Variants in PLCB4 observed in about 807,000 individuals in gnomAD.
PLCB4 encodes the protein 1-phosphatidylinositol 4,5-bisphosphate phosphodiesterase beta-4.
A neutral mutation model predicts 178.8 loss-of-function variants in PLCB4; 77 were observed. The observed-to-expected ratio is 0.43, with a 90% CI of 0.36 to 0.52. The LOEUF (loss-of-function observed/expected upper bound fraction) is 0.52. Ranked by LOEUF, PLCB4 falls within the 20% of genes least tolerant of loss-of-function variation. The probability of loss-of-function intolerance (pLI) is 0.00; values close to 1 mark genes in which losing one functional copy is unlikely to be tolerated. For synonymous variants in PLCB4, 496 were observed against 490.8 expected (o/e 1.01, Z -0.14); for missense variants, 1,024 against 1,453.4 (o/e 0.70, Z 4.80).
chr20:9,261,438 A>G lies in PLCB4; in HGVS notation c.-16+43986A>G, dbSNP rs139481850. Among the ~76,000 whole-genome samples, 620 of 152,292 alleles carry G rather than the reference A, an allele frequency of 4.1e-3. 4 individuals are homozygous for G. Among genetic ancestry groups the G allele is most frequent in the African/African-American group, 0.015 (603 of 41,570 alleles). On this transcript the variant is annotated intron_variant, in intron 3 of 39. Coordinates refer to ENST00000378473, the MANE Select transcript of PLCB4 (RefSeq NM_001377142.1). Reference sequence around the variant, plus strand: ...ACATATACATATAACCATTTTTAAAACTTAGGAAATATGCTGTGCATATGA... The same window carrying G: ...ACATATACATATAACCATTTTTAAAGCTTAGGAAATATGCTGTGCATATGA...
At chr20:9,265,141 G>A (rs1359307826) in intron 3 of PLCB4, among the ~76,000 whole-genome samples, 1 of 152,110 alleles carries the variant, frequency 6.6e-6, no homozygotes, top group Non-Finnish European at 1.5e-5. Context: ...GTTCAGTGTT[G>A]TAGTATTAGG....
intron 2 of PLCB4, among the ~76,000 whole-genome samples, chr20:9,175,442 C>T (rs766461160): frequency 1.9e-4 from 29 of 152,076 alleles, no homozygotes; most frequent in Non-Finnish European, 3.5e-4. Flanking sequence ...ATAAATTGTC[C>T]AAGTAACCTT....
intron 1 of PLCB4, among the ~76,000 whole-genome samples, chr20:9,074,526 A>T (rs569407390): frequency 2.0e-5 from 3 of 152,254 alleles, no homozygotes; most frequent in Non-Finnish European, 4.4e-5. Context: ...TTATCCATAC[A>T]AAGCAGCCTG....
intron 2 of PLCB4, among the ~76,000 whole-genome samples, chr20:9,130,544 G>A (rs1212359922): frequency 1.3e-5 from 2 of 152,172 alleles, no homozygotes; most frequent in Non-Finnish European, 2.9e-5. Flanking sequence ...GTCACTGCAA[G>A]TGTTTCCTCT....
chr20:9,471,320 A>G (rs970610817), intron 36 of PLCB4, among the ~76,000 whole-genome samples: 1 of 152,186 alleles, frequency 6.6e-6, no homozygotes, highest in African/African-American at 2.4e-5. Flanking sequence ...TGAAATAGAA[A>G]ACAAAATGCA....
intron 2 of PLCB4, among the ~76,000 whole-genome samples, chr20:9,202,187 G>A (rs2093555405): frequency 1.3e-5 from 2 of 152,144 alleles, no homozygotes; most frequent in African/African-American, 2.4e-5. Context: ...AACATTGTAG[G>A]AAAAGAATAC....
At chr20:9,128,049 T>A (rs2092171419) in intron 2 of PLCB4, among the ~76,000 whole-genome samples, 1 of 152,140 alleles carries the variant, frequency 6.6e-6, no homozygotes, top group South Asian at 2.1e-4. Context: ...TGAAATGTAA[T>A]CCCCATTGTT....
At chr20:9,172,860 C>A (rs2093087551) in intron 2 of PLCB4, among the ~76,000 whole-genome samples, 1 of 152,158 alleles carries the variant, frequency 6.6e-6, no homozygotes, top group Non-Finnish European at 1.5e-5. Context: ...ATATGTCTGG[C>A]CATGTTTCAG....
At chr20:9,330,326 T>C (rs971816288) in intron 4 of PLCB4, among the ~76,000 whole-genome samples, 1 of 152,220 alleles carries the variant, frequency 6.6e-6, no homozygotes, top group African/African-American at 2.4e-5. Flanking sequence ...CAGACTCCTC[T>C]TTGTTTCTCT....
At chr20:9,388,923 A>C (rs1340100084) in intron 15 of PLCB4, among the ~76,000 whole-genome samples, 1 of 152,196 alleles carries the variant, frequency 6.6e-6, no homozygotes, top group African/African-American at 2.4e-5. Flanking sequence ...TGCCTCAATA[A>C]AATATTTCAA....
At chr20:9,168,644 C>T (rs2093012755) in intron 2 of PLCB4, among the ~76,000 whole-genome samples, 2 of 152,212 alleles carry the variant, frequency 1.3e-5, no homozygotes, top group Non-Finnish European at 2.9e-5. Context: ...CGAGGAGCTA[C>T]ACCACCAGAT....
At chr20:9,396,261 A>C (rs531928769) in intron 19 of PLCB4, among the ~76,000 whole-genome samples, 27 of 152,348 alleles carry the variant, frequency 1.8e-4, no homozygotes, top group Admixed American at 5.9e-4. Context: ...AGACAAAAAC[A>C]TGAACTTGAG....
At chr20:9,434,193 AT>A (rs377149157) in intron 28 of PLCB4, among the ~76,000 whole-genome samples, 12 of 152,320 alleles carry the variant, frequency 7.9e-5, no homozygotes, top group African/African-American at 2.4e-4. Context: ...GATATTTGAC[AT>A]TAAAAAATGG....
At chr20:9,445,423 C>T (rs2042358016) in intron 32 of PLCB4, among the ~76,000 whole-genome samples, 1 of 152,218 alleles carries the variant, frequency 6.6e-6, no homozygotes, top group South Asian at 2.1e-4. Flanking sequence ...GAGTGATGTA[C>T]CTTTTAATCA....
At position 9,466,077 on chromosome 20, in the gene PLCB4, G is replaced by A. The variant is rs193079741; in HGVS notation, c.3249-2494G>A. 9.2e-5 allele frequency among the ~76,000 whole-genome samples: 14 copies of A among 152,168 alleles called. No homozygotes were observed. The East Asian group carries it at 2.3e-3, about 25-fold the overall frequency. ...AACCAAACCAGCATGGTACTAGTAC[G>A]AAAACAGAGATATAGACCAATGGAA... On this transcript the variant is annotated intron_variant, in intron 35 of 39. Transcript: ENST00000378473.
intron 2 of PLCB4, among the ~76,000 whole-genome samples, chr20:9,187,482 A>G (rs6039407): frequency 6.6e-6 from 1 of 152,292 alleles, no homozygotes; most frequent in South Asian, 2.1e-4. Flanking sequence ...GGACATAACT[A>G]TGTAAACTTC....
intron 2 of PLCB4, among the ~76,000 whole-genome samples, chr20:9,113,080 A>G (rs367885000): frequency 6.6e-6 from 1 of 152,184 alleles, no homozygotes; most frequent in African/African-American, 2.4e-5. Flanking sequence ...GAGCCTTGAC[A>G]TCAATTTATG....
chr20:9,320,667 C>G (rs904423627), intron 4 of PLCB4, among the ~76,000 whole-genome samples: 1 of 152,118 alleles, frequency 6.6e-6, no homozygotes, highest in Non-Finnish European at 1.5e-5. Flanking sequence ...TTTTAGCTTC[C>G]TTTTGCAGTT....
intron 1 of PLCB4, among the ~76,000 whole-genome samples, chr20:9,079,945 GGACA>G: frequency 6.6e-6 from 1 of 152,258 alleles, no homozygotes; most frequent in Admixed American, 6.5e-5. Context: ...CTTATAGATA[GGACA>G]GACAGAAGGG....
Sources: allele counts gnomAD v4.1 joint callset (sites outside exome capture counted in the v4.1 genomes callset), GRCh38; gene constraint gnomAD v4.1.1; transcripts MANE v1.5; gene names NCBI Gene and HGNC (gene_info 2026-07-23, HGNC 2026-07-21).